TRAPPC9: variants seen among roughly 807,000 people sequenced by gnomAD.
The protein encoded by TRAPPC9 is IKK2 binding protein.
TRAPPC9 carries 83 observed loss-of-function variants against 124.0 expected under a neutral mutation model. The observed-to-expected ratio is 0.67, with a 90% CI of 0.56 to 0.80. The LOEUF is 0.80. Ranked by LOEUF, TRAPPC9 falls within the 30% of genes least tolerant of loss-of-function variation. The pLI is 0.00. For synonymous variants in TRAPPC9, 638 were observed against 617.5 expected, an observed-to-expected ratio of 1.03 and a Z score of -0.49; for missense variants, 1,302 against 1,508.3, an observed-to-expected ratio of 0.86 and a Z score of 2.27.
chr8:140,193,447 T>G (rs2062544309), intron 17 of TRAPPC9, among the ~76,000 whole-genome samples: 1 of 152,094 alleles, frequency 6.6e-6, no homozygotes, highest in African/African-American at 2.4e-5. Context: ...CTGAGTCAGC[T>G]GAATGTAAGT....
intron 21 of TRAPPC9, among the ~76,000 whole-genome samples, chr8:139,801,133 C>A (rs1823495782): frequency 1.3e-5 from 2 of 152,178 alleles, no homozygotes; most frequent in Non-Finnish European, 2.9e-5. Flanking sequence ...ATCTTCCCTC[C>A]CACCAGCAGC....
intron 17 of TRAPPC9, among the ~76,000 whole-genome samples, chr8:140,067,470 T>C (rs1016302783): frequency 1.3e-5 from 2 of 152,196 alleles, no homozygotes; most frequent in African/African-American, 2.4e-5. Flanking sequence ...AATGATCAAA[T>C]TGGGCTCTTG....
intron 19 of TRAPPC9, among the ~76,000 whole-genome samples, chr8:139,974,032 C>G (rs996753458): frequency 6.6e-6 from 1 of 152,174 alleles, no homozygotes; most frequent in Non-Finnish European, 1.5e-5. Flanking sequence ...CATGGTCCCC[C>G]CATCCCTGCC....
At chr8:140,366,349 C>T (rs1307567693) in intron 8 of TRAPPC9, among the ~76,000 whole-genome samples, 2 of 152,062 alleles carry the variant, frequency 1.3e-5, no homozygotes, top group Non-Finnish European at 2.9e-5. Flanking sequence ...CTATAGTACT[C>T]AAGATAGTGT....
At position 139,888,152 on chromosome 8, in the gene TRAPPC9, C is replaced by T. The variant is rs566983220; in HGVS notation, c.2965-2183G>A. Among the ~76,000 whole-genome samples, 47 of 152,346 alleles carry T rather than the reference C, an allele frequency of 3.1e-4. 1 individual carries two copies. The South Asian group carries it at 9.3e-3, about 30-fold the overall frequency. On this transcript the variant is annotated intron_variant, in intron 20 of 22. Coordinates refer to ENST00000438773, the MANE Select transcript of TRAPPC9 (RefSeq NM_001160372.4). ...TCCCGTCCTCCCTCAGTAGAGAATC[C>T]GAGGGCTTGGGAGCTGTGGCTGAAG... is the stretch of plus-strand genomic sequence containing the variant.
At chr8:140,325,155 A>C (rs1171324580) in intron 9 of TRAPPC9, among the ~76,000 whole-genome samples, 4 of 152,256 alleles carry the variant, frequency 2.6e-5, no homozygotes, top group Non-Finnish European at 4.4e-5. Context: ...GCTGAATGGT[A>C]ATAAAAACAC....
intron 7 of TRAPPC9, among the ~76,000 whole-genome samples, chr8:140,380,759 C>A (rs1308895212): frequency 6.6e-6 from 1 of 150,460 alleles, no homozygotes; most frequent in Non-Finnish European, 1.5e-5. Flanking sequence ...CAAAAACTAA[C>A]CCTATAAAGT....
intron 10 of TRAPPC9, among the ~76,000 whole-genome samples, chr8:140,305,106 G>C (rs1353563051): frequency 6.6e-6 from 1 of 152,184 alleles, no homozygotes; most frequent in African/African-American, 2.4e-5. Flanking sequence ...CAGTGTGACT[G>C]ATACATGCCT....
Position 140,195,993 on chromosome 8 carries a change from A to G in TRAPPC9, c.2556+25466T>C, listed in dbSNP as rs568874102. ...ATCCACCGTACAGATCACACCTGTG[A>G]CACTAAAACACTCAGCAATCCACTG... On this transcript the variant is annotated intron_variant, in intron 17 of 22. Transcript: ENST00000438773. Among the ~76,000 whole-genome samples the G allele has an allele frequency of 7.9e-3, 1,103 of 139,996 alleles. 13 individuals are homozygous for G. Among genetic ancestry groups the G allele is most frequent in the Non-Finnish European group, 0.011 (692 of 60,414 alleles). The allele number at this position is 139,996 out of a possible 152,430, so 91.8% of individuals were successfully genotyped here. A position where few individuals can be genotyped will look rare whatever the true frequency, so the allele number is the denominator to read the frequency against.
intron 16 of TRAPPC9, among the ~76,000 whole-genome samples, chr8:140,230,905 G>A (rs1389870041): frequency 6.6e-6 from 1 of 152,222 alleles, no homozygotes; most frequent in Non-Finnish European, 1.5e-5. Flanking sequence ...ATCATCAAGA[G>A]AAGTGGAAAC....
chr8:140,004,963 A>G (rs1838651609), intron 18 of TRAPPC9, among the ~76,000 whole-genome samples: 2 of 152,218 alleles, frequency 1.3e-5, no homozygotes, highest in Admixed American at 6.5e-5. Flanking sequence ...TATCTTCTTA[A>G]TCAGTCTTCT....
At chr8:139,798,074 C>T (rs1363392377) in intron 21 of TRAPPC9, among the ~76,000 whole-genome samples, 2 of 152,202 alleles carry the variant, frequency 1.3e-5, no homozygotes, top group Non-Finnish European at 2.9e-5. Context: ...TGTGTTGAAT[C>T]TGTGGATCAA....
chr8:140,316,189 C>A (rs958739563), intron 9 of TRAPPC9, among the ~76,000 whole-genome samples: 15 of 152,052 alleles, frequency 9.9e-5, no homozygotes, highest in African/African-American at 3.4e-4. Flanking sequence ...CTGAAATGTT[C>A]AGGAATATCA....
intron 21 of TRAPPC9, among the ~76,000 whole-genome samples, chr8:139,790,511 C>T (rs1254814645): frequency 6.6e-6 from 1 of 152,238 alleles, no homozygotes; most frequent in Non-Finnish European, 1.5e-5. Flanking sequence ...TGGGCACTGA[C>T]TGCAATCCAA....
intron 19 of TRAPPC9, chr8:139,932,905 T>TAA (rs3060603): frequency 1.1e-4 from 17 of 153,182 alleles, no homozygotes; most frequent in South Asian, 1.8e-4. Flanking sequence ...CATAAGCTGG[T>TAA]AAAAAAAAAA....
intron 10 of TRAPPC9, among the ~76,000 whole-genome samples, chr8:140,305,272 C>A (rs774691975): frequency 1.3e-5 from 2 of 152,178 alleles, no homozygotes; most frequent in Admixed American, 6.5e-5. Context: ...CTGTTACTTT[C>A]CCCTCACTCT....
At chr8:140,443,524 G>C (rs189763458) in intron 2 of TRAPPC9, among the ~76,000 whole-genome samples, 2 of 152,052 alleles carry the variant, frequency 1.3e-5, no homozygotes, top group Admixed American at 6.6e-5. Context: ...GGAGCCTTTT[G>C]ACTACGTGCC....
At chr8:140,405,260 T>C (rs2069450568) in intron 6 of TRAPPC9, 1 of 258,916 alleles carries the variant, frequency 3.9e-6, no homozygotes, top group Admixed American at 5.2e-5. Flanking sequence ...TATGCTCCAT[T>C]TCTTAAAATA....
In TRAPPC9 at chr8:140,362,886, C is replaced by G. The variant is rs572232468; in HGVS notation, c.1352-2693G>C. ...TTTAAAAATAGATAATGATCCAGTTCCTACCACGGGCGATTATGAGTAAGA... is the reference window on the plus strand; with the variant it reads ...TTTAAAAATAGATAATGATCCAGTTGCTACCACGGGCGATTATGAGTAAGA... On this transcript the variant is annotated intron_variant, in intron 8 of 22. Coordinates refer to ENST00000438773, the MANE Select transcript of TRAPPC9 (RefSeq NM_001160372.4). Among the ~76,000 whole-genome samples, 22 of 152,304 alleles carry G rather than the reference C, an allele frequency of 1.4e-4. No individual in the cohort carries two copies. In the East Asian group the frequency reaches 4.2e-3, roughly 29 times the overall value.
Sources: allele counts gnomAD v4.1 joint callset (sites outside exome capture counted in the v4.1 genomes callset), GRCh38; gene constraint gnomAD v4.1.1; transcripts MANE v1.5; gene names NCBI Gene and HGNC (gene_info 2026-07-23, HGNC 2026-07-21).